Variants in DMC1 observed in about 807,000 individuals in gnomAD.
DMC1 encodes the protein meiotic recombination protein DMC1 homolog.
In DMC1, 27 loss-of-function variants were observed where a neutral mutation model predicts 50.1. The ratio of observed to expected loss-of-function variants is 0.54; its 90% CI spans 0.40 to 0.74. The LOEUF (loss-of-function observed/expected upper bound fraction) is 0.74, where lower values mean the gene tolerates loss of function less well. Among genes scored for constraint, DMC1 ranks in the 30% least tolerant of loss-of-function variants. DMC1 has a pLI of 0.00. For synonymous variants in DMC1, 148 were observed against 136.1 expected (o/e 1.09, Z -0.61); for missense variants, 295 against 420.2 (o/e 0.70, Z 2.60).
intron 11 of DMC1, 129 bp downstream of exon 11, chr22:38,538,166 A>T: frequency 1.4e-6 from 1 of 735,056 alleles, no homozygotes; most frequent in Non-Finnish European, 2.3e-6. Context: ...AAAAACAAAG[A>T]GTTGTATTCT....
intron 12 of DMC1, among the ~76,000 whole-genome samples, chr22:38,530,702 T>TA (rs1332202037): frequency 6.6e-6 from 1 of 152,206 alleles, no homozygotes; most frequent in Non-Finnish European, 1.5e-5. Flanking sequence ...GTCACTATGC[T>TA]AGTGACCCTG....
At chr22:38,528,493 C>T (rs2090120445) in intron 12 of DMC1, among the ~76,000 whole-genome samples, 1 of 152,044 alleles carries the variant, frequency 6.6e-6, no homozygotes, top group Non-Finnish European at 1.5e-5. Flanking sequence ...TAATTATTGG[C>T]TGGGCACAGT....
intron 8 of DMC1, 141 bp from the exon 9 acceptor site, chr22:38,539,553 C>A: frequency 2.8e-6 from 2 of 720,996 alleles, no homozygotes; most frequent in Non-Finnish European, 4.9e-6. Context: ...ATGCTAGCAA[C>A]CATTTAAAGT....
intron 12 of DMC1, among the ~76,000 whole-genome samples, chr22:38,536,829 G>T (rs1239222911): frequency 6.6e-6 from 1 of 151,974 alleles, no homozygotes; most frequent in Non-Finnish European, 1.5e-5. Flanking sequence ...TTACAATTAT[G>T]AAGTCATATA....
In DMC1 at chr22:38,555,364, AG is replaced by A. The variant is rs1186350604; in HGVS notation, c.371del (p.Ala124ValfsTer18). On this transcript the variant is annotated frameshift_variant, in exon 6 of 14. Coordinates refer to ENST00000216024, the MANE Select transcript of DMC1 (RefSeq NM_007068.4). LOFTEE classifies it high-confidence loss of function. ...GGIESMAITE[A>X]FGEFRTGKTQ... ...TATTAAGGTTCTACCTACCTCCAAA[AG>A]CTTCTGTAATTGCCATACTTTCAAT... is the stretch of plus-strand genomic sequence containing the variant. The A allele has an allele frequency of 6.2e-7, 1 of 1,608,928 alleles. No individual in the cohort carries two copies. The highest frequency in any genetic ancestry group is 8.5e-7 in the Non-Finnish European group (1 of 1,175,600).
At chr22:38,568,831 T>C (rs1432584525) in intron 1 of DMC1, among the ~76,000 whole-genome samples, 1 of 152,198 alleles carries the variant, frequency 6.6e-6, no homozygotes, top group African/African-American at 2.4e-5. Flanking sequence ...TCCACCTTTT[T>C]GTTTCATAGA....
At chr22:38,566,333 T>G (rs936864622) in intron 4 of DMC1, among the ~76,000 whole-genome samples, 7 of 150,762 alleles carry the variant, frequency 4.6e-5, no homozygotes, top group Admixed American at 3.3e-4. Flanking sequence ...AAAAGTAATA[T>G]AAAGAGAGAC....
intron 4 of DMC1, among the ~76,000 whole-genome samples, chr22:38,563,902 G>A (rs1244536518): frequency 6.6e-6 from 1 of 151,986 alleles, no homozygotes; most frequent in Non-Finnish European, 1.5e-5. Context: ...GGGTTTCACT[G>A]TGTTAGCCAG....
intron 12 of DMC1, among the ~76,000 whole-genome samples, chr22:38,536,247 A>G (rs1336137885): frequency 1.3e-5 from 2 of 151,746 alleles, no homozygotes; most frequent in Non-Finnish European, 2.9e-5. Context: ...ACACTTTAAA[A>G]AAGCATTATC....
intron 8 of DMC1, among the ~76,000 whole-genome samples, chr22:38,544,369 CA>C (rs1479817411): frequency 6.6e-6 from 1 of 152,184 alleles, no homozygotes; most frequent in East Asian, 1.9e-4. Flanking sequence ...ATCAGAAACT[CA>C]AAAGAATGCA....
At chr22:38,532,010 T>C (rs2090157172) in intron 12 of DMC1, among the ~76,000 whole-genome samples, 1 of 152,120 alleles carries the variant, frequency 6.6e-6, no homozygotes. Flanking sequence ...TTTGGCCTCT[T>C]CAATGTTCCC....
At chr22:38,528,783 A>AAAACT (rs2090123620) in intron 12 of DMC1, among the ~76,000 whole-genome samples, 1 of 152,090 alleles carries the variant, frequency 6.6e-6, no homozygotes, top group Non-Finnish European at 1.5e-5. Context: ...CCCTGTCTCA[A>AAAACT]AAACTAAACT....
At chr22:38,552,421 C>T (rs1314474420) in intron 7 of DMC1, among the ~76,000 whole-genome samples, 1 of 152,186 alleles carries the variant, frequency 6.6e-6, no homozygotes, top group Non-Finnish European at 1.5e-5. Context: ...CCAACACATT[C>T]ATACACCCAT....
downstream of DMC1, among the ~76,000 whole-genome samples, chr22:38,515,125 C>T (rs747401915): frequency 4.0e-5 from 6 of 150,952 alleles, no homozygotes; most frequent in Non-Finnish European, 8.9e-5. Flanking sequence ...CTCAGCCTCC[C>T]AAAGTGTTGG....
At chr22:38,523,405 A>G (rs148859605) in intron 12 of DMC1, among the ~76,000 whole-genome samples, 1 of 152,240 alleles carries the variant, frequency 6.6e-6, no homozygotes, top group African/African-American at 2.4e-5. Flanking sequence ...TATGTTCTAT[A>G]TAGATGGGCT....
chr22:38,551,861 T>C lies in DMC1; in HGVS notation c.421+805A>G, dbSNP rs929039615. Reference sequence around the variant, plus strand: ...TTTGATTCCAGAACTCCTTTCTTTTTTTTTTTTTTTTTTTTTTTGAGACGA... The same window carrying C: ...TTTGATTCCAGAACTCCTTTCTTTTCTTTTTTTTTTTTTTTTTTGAGACGA... On this transcript the variant is annotated intron_variant, in intron 7 of 13. Coordinates refer to ENST00000216024, the MANE Select transcript of DMC1 (RefSeq NM_007068.4). Among the ~76,000 whole-genome samples the C allele has an allele frequency of 6.4e-3, 912 of 142,008 alleles. 9 individuals carry two copies. The highest frequency in any genetic ancestry group is 0.01 in the Admixed American group (144 of 14,276). 93.2% of individuals were successfully genotyped at this position (142,008 alleles called of 152,430 possible).
intron 12 of DMC1, among the ~76,000 whole-genome samples, chr22:38,531,386 A>T (rs759399460): frequency 3.5e-4 from 53 of 152,064 alleles, no homozygotes; most frequent in Admixed American, 3.3e-4. Flanking sequence ...TTTTAATAAG[A>T]TGTGCAATCA....
chr22:38,546,170 C>A (rs1364740601), intron 8 of DMC1: 4 of 152,276 alleles, frequency 2.6e-5, no homozygotes, highest in Admixed American at 2.6e-4. Flanking sequence ...GTGGGTGGAT[C>A]ACCTGAGGTC....
intron 6 of DMC1, among the ~76,000 whole-genome samples, chr22:38,553,956 CAA>C (rs35690372): frequency 8.6e-5 from 3 of 34,750 alleles, no homozygotes; most frequent in South Asian, 9.9e-4. Context: ...ACTCCATCTC[CAA>C]AAAAAAAAAA....
Sources: gnomAD v4.1 joint callset for allele counts (sites outside exome capture counted in the v4.1 genomes callset) on GRCh38, gnomAD v4.1.1 for gene constraint, MANE v1.5 for transcripts, NCBI Gene and HGNC (gene_info 2026-07-23, HGNC 2026-07-21) for gene names.